The following B3GALT1 variants were observed in gnomAD, a reference collection of about 807,000 sequenced individuals.
The protein encoded by B3GALT1 is beta-1,3-galactosyltransferase 1, also known as UDP-Gal:betaGlcNAc beta 1,3-galactosyltransferase, polypeptide 1.
A neutral mutation model predicts 23.2 loss-of-function variants in B3GALT1; 10 were observed. That is an observed-to-expected ratio of 0.43 (90% CI 0.27 to 0.73). The LOEUF (loss-of-function observed/expected upper bound fraction) is 0.73. Among genes scored for constraint, B3GALT1 ranks in the 30% least tolerant of loss-of-function variants. The probability of loss-of-function intolerance (pLI) is 0.21; values close to 1 mark genes in which losing one functional copy is unlikely to be tolerated. For synonymous variants in B3GALT1, 156 were observed against 141.5 expected, an observed-to-expected ratio of 1.10 and a Z score of -0.73; for missense variants, 299 against 405.4, an observed-to-expected ratio of 0.74 and a Z score of 2.25.
intron 1 of B3GALT1, among the ~76,000 whole-genome samples, chr2:167,469,834 A>T (rs1699399657): frequency 6.6e-6 from 1 of 152,314 alleles, no homozygotes; most frequent in African/African-American, 2.4e-5. Flanking sequence ...ACAGATAAGA[A>T]AAAACTATGG....
At chr2:167,483,625 A>AAG (rs1699587806) in intron 1 of B3GALT1, among the ~76,000 whole-genome samples, 2 of 152,210 alleles carry the variant, frequency 1.3e-5, no homozygotes, top group Non-Finnish European at 2.9e-5. Context: ...CCTAGGTTGC[A>AAG]GTGGAGAGAA....
chr2:167,661,668 A>G (rs377273411), intron 3 of B3GALT1, among the ~76,000 whole-genome samples: 6 of 152,154 alleles, frequency 3.9e-5, no homozygotes, highest in African/African-American at 1.4e-4. Flanking sequence ...ACAAAATTGC[A>G]CCTCTGGTTG....
At chr2:167,770,537 AT>A (rs1688055745) in intron 3 of B3GALT1, among the ~76,000 whole-genome samples, 1 of 152,020 alleles carries the variant, frequency 6.6e-6, no homozygotes, top group Non-Finnish European at 1.5e-5. Context: ...CAGATGTATG[AT>A]TTGGAGATTA....
At chr2:167,355,340 C>G (rs1697383274) in intron 1 of B3GALT1, among the ~76,000 whole-genome samples, 1 of 152,166 alleles carries the variant, frequency 6.6e-6, no homozygotes, top group East Asian at 1.9e-4. Context: ...ACAGAATTGA[C>G]AAAAATTGCA....
Position 167,710,407 on chromosome 2 carries a change from C to T in B3GALT1, c.-352+63441C>T, listed in dbSNP as rs540930613. On this transcript the variant is annotated intron_variant, in intron 3 of 4. Coordinates refer to ENST00000392690, the MANE Select transcript of B3GALT1 (RefSeq NM_020981.4). ...AATTTAAAACTTTTCATTTTACAGA[C>T]GAGGAAACCGTGGCTCTTTTGCAGT... is the stretch of plus-strand genomic sequence containing the variant. Among the ~76,000 whole-genome samples, 7 of 152,142 alleles carry T rather than the reference C, an allele frequency of 4.6e-5. No individual in the cohort carries two copies. The South Asian group carries it at 6.2e-4, about 13-fold the overall frequency.
chr2:167,318,063 C>A (rs1474560787), intron 1 of B3GALT1, among the ~76,000 whole-genome samples: 1 of 152,048 alleles, frequency 6.6e-6, no homozygotes, highest in Non-Finnish European at 1.5e-5. Context: ...CGCGGTGGCT[C>A]ACGCCTGTAA....
chr2:167,871,518 A>G lies in B3GALT1; in HGVS notation c.*1498A>G, dbSNP rs1298031734. Reference sequence around the variant, plus strand: ...AATTTAGGTGTTTGGGAAGGCTTCCATTTCTCTGAGATTTCTTCTGGTTTC... The same window carrying G: ...AATTTAGGTGTTTGGGAAGGCTTCCGTTTCTCTGAGATTTCTTCTGGTTTC... On this transcript the variant is annotated 3_prime_UTR_variant, in exon 5 of 5. Transcript: ENST00000392690. 1 of 152,144 alleles carries G rather than the reference A, an allele frequency of 6.6e-6. No individual in the cohort carries two copies. Among genetic ancestry groups the G allele is most frequent in the Non-Finnish European group, 1.5e-5 (1 of 68,032 alleles). 9.4% of individuals were successfully genotyped at this position (152,144 alleles called of 1,614,324 possible).
intron 2 of B3GALT1, among the ~76,000 whole-genome samples, chr2:167,506,045 G>A (rs1329840859): frequency 6.6e-6 from 1 of 152,008 alleles, no homozygotes. Context: ...GGGTGACAGA[G>A]CGAGACTCCA....
intron 3 of B3GALT1, among the ~76,000 whole-genome samples, chr2:167,770,563 A>G (rs1482744915): frequency 6.6e-6 from 1 of 152,110 alleles, no homozygotes; most frequent in Non-Finnish European, 1.5e-5. Context: ...CTTTCAGTGT[A>G]TGGCTGGTCT....
chr2:167,547,135 C>A (rs949383883), intron 2 of B3GALT1, among the ~76,000 whole-genome samples: 4 of 152,202 alleles, frequency 2.6e-5, no homozygotes, highest in Non-Finnish European at 5.9e-5. Flanking sequence ...CACACAGTTG[C>A]TTTGCAGCAG....
intron 2 of B3GALT1, among the ~76,000 whole-genome samples, chr2:167,564,082 C>T (rs1241410211): frequency 5.3e-5 from 8 of 151,290 alleles, no homozygotes; most frequent in Admixed American, 3.3e-4. Flanking sequence ...GGCTGCCGGG[C>T]GGAGGGGCCC....
At chr2:167,807,448 A>AT in intron 3 of B3GALT1, among the ~76,000 whole-genome samples, 1 of 152,086 alleles carries the variant, frequency 6.6e-6, no homozygotes, top group South Asian at 2.1e-4. Flanking sequence ...TCTTGTGGGC[A>AT]TTTAGTGCTA....
chr2:167,379,028 A>C (rs1697804135), intron 1 of B3GALT1, among the ~76,000 whole-genome samples: 1 of 152,134 alleles, frequency 6.6e-6, no homozygotes, highest in Non-Finnish European at 1.5e-5. Context: ...CACTGCTGTA[A>C]AGAACTTACC....
chr2:167,565,635 T>C (rs1421501379), intron 2 of B3GALT1, among the ~76,000 whole-genome samples: 2 of 152,120 alleles, frequency 1.3e-5, no homozygotes, highest in Non-Finnish European at 2.9e-5. Flanking sequence ...ATCCAGAATC[T>C]ACAATGAACT....
intron 3 of B3GALT1, among the ~76,000 whole-genome samples, chr2:167,654,482 T>A (rs71428989): frequency 6.6e-6 from 1 of 152,028 alleles, no homozygotes; most frequent in Admixed American, 6.6e-5. Context: ...CAAACTCAAC[T>A]GCTTTTTGTT....
At chr2:167,371,255 C>G (rs1349730519) in intron 1 of B3GALT1, among the ~76,000 whole-genome samples, 2 of 151,846 alleles carry the variant, frequency 1.3e-5, no homozygotes, top group Non-Finnish European at 2.9e-5. Context: ...AAAAATATTT[C>G]TCAAATGTTG....
chr2:167,391,520 T>C (rs1020446016), intron 1 of B3GALT1, among the ~76,000 whole-genome samples: 2 of 152,214 alleles, frequency 1.3e-5, no homozygotes, highest in African/African-American at 4.8e-5. Flanking sequence ...TTCCACCCAC[T>C]GCTGGTTGCT....
chr2:167,352,956 G>A (rs1241704100), intron 1 of B3GALT1, among the ~76,000 whole-genome samples: 1 of 152,204 alleles, frequency 6.6e-6, no homozygotes, highest in African/African-American at 2.4e-5. Flanking sequence ...AACCCAGTGT[G>A]ATTTGAGGTG....
chr2:167,569,595 G>A (rs774971630), intron 2 of B3GALT1, among the ~76,000 whole-genome samples: 1 of 151,724 alleles, frequency 6.6e-6, no homozygotes, highest in East Asian at 1.9e-4. Context: ...AGACAATCAC[G>A]TCATTTGCAA....
Sources: gnomAD v4.1 joint callset for allele counts (sites outside exome capture counted in the v4.1 genomes callset) on GRCh38, gnomAD v4.1.1 for gene constraint, MANE v1.5 for transcripts, NCBI Gene and HGNC (gene_info 2026-07-23, HGNC 2026-07-21) for gene names.